The following KIRREL3 variants were observed in gnomAD, a reference collection of about 807,000 sequenced individuals.
KIRREL3 encodes kin of IRRE-like protein 3.
In KIRREL3, 36 loss-of-function variants were observed where a neutral mutation model predicts 89.7. That is an observed-to-expected ratio of 0.40 (90% CI 0.31 to 0.53). The LOEUF (loss-of-function observed/expected upper bound fraction) is 0.53, where lower values mean the gene tolerates loss of function less well. Ranked by LOEUF, KIRREL3 falls within the 20% of genes least tolerant of loss-of-function variation. The pLI is 0.49. For synonymous variants in KIRREL3, 445 were observed against 441.4 expected, an observed-to-expected ratio of 1.01 and a Z score of -0.10; for missense variants, 864 against 1,056.6, an observed-to-expected ratio of 0.82 and a Z score of 2.53.
intron 1 of KIRREL3, among the ~76,000 whole-genome samples, chr11:126,593,262 C>T (rs879405196): frequency 1.3e-5 from 2 of 152,216 alleles, no homozygotes; most frequent in Non-Finnish European, 2.9e-5. Context: ...ACTGCTTGCG[C>T]GCTCAGCCAT....
intron 1 of KIRREL3, among the ~76,000 whole-genome samples, chr11:126,633,750 A>G (rs1319832565): frequency 6.6e-6 from 1 of 152,232 alleles, no homozygotes; most frequent in African/African-American, 2.4e-5. Context: ...AAAAGGGTCT[A>G]AGAAAAACAC....
At position 126,485,915 on chromosome 11, in the gene KIRREL3, A is replaced by T. The variant is rs1291517138; in HGVS notation, c.434-12449T>A. Among the ~76,000 whole-genome samples, 3 of 152,242 alleles carry T rather than the reference A, an allele frequency of 2.0e-5. No homozygotes were observed. Among genetic ancestry groups the T allele is most frequent in the Non-Finnish European group, 4.4e-5 (3 of 68,034 alleles). On this transcript the variant is annotated intron_variant, in intron 4 of 16. Transcript: ENST00000525144. This position sits in a 1 kb window ranked among gnomAD's most constrained non-coding sequence, Gnocchi z 5.8. Reference sequence around the variant, plus strand: ...AGGAGACCCCAAGGGAGGGAGGGCTAGTCCAGTGGGCCAGGGAAAGGGAGC... The same window carrying T: ...AGGAGACCCCAAGGGAGGGAGGGCTTGTCCAGTGGGCCAGGGAAAGGGAGC...
At chr11:126,775,275 G>T (rs1950138066) in intron 1 of KIRREL3, among the ~76,000 whole-genome samples, 1 of 152,192 alleles carries the variant, frequency 6.6e-6, no homozygotes. Flanking sequence ...TCAGGTAGAG[G>T]CATTGGAAGC....
intron 1 of KIRREL3, among the ~76,000 whole-genome samples, chr11:126,804,047 A>G (rs1016937969): frequency 6.6e-5 from 10 of 152,170 alleles, no homozygotes; most frequent in African/African-American, 2.4e-4. Flanking sequence ...TATGTTTGTA[A>G]GTATGTAGGC....
chr11:126,841,812 C>A (rs539816271), intron 1 of KIRREL3, among the ~76,000 whole-genome samples: 1 of 152,160 alleles, frequency 6.6e-6, no homozygotes, highest in Admixed American at 6.5e-5. Context: ...CTCAACAGGC[C>A]CCGAAGGTCT....
chr11:126,589,876 C>T (rs1235059261), intron 1 of KIRREL3, among the ~76,000 whole-genome samples: 3 of 152,168 alleles, frequency 2.0e-5, no homozygotes, highest in African/African-American at 7.2e-5. Flanking sequence ...TGGATCTTGC[C>T]TAGTGCCCCA....
rs112495591 is a variant in KIRREL3 at position 126,508,767 on chromosome 11, G to A, written c.433+12548C>T. Among the ~76,000 whole-genome samples, 4 of 152,170 alleles carry A rather than the reference G, an allele frequency of 2.6e-5. No homozygotes were observed. Among genetic ancestry groups the A allele is most frequent in the African/African-American group, 9.7e-5 (4 of 41,436 alleles). On this transcript the variant is annotated intron_variant, in intron 4 of 16. Transcript: ENST00000525144. This position sits in a 1 kb window ranked among gnomAD's most constrained non-coding sequence, Gnocchi z 4.9. ...CTTGGGCAAGGTAATGAGCCTCTAT[G>A]TCTCAGCTTCCTCGTCCGTAAAAGG... is the stretch of plus-strand genomic sequence containing the variant.
rs1565738068 is a variant in KIRREL3 at position 126,795,810 on chromosome 11, CCT to C, written c.55+204643_55+204644del. Among the ~76,000 whole-genome samples the C allele has an allele frequency of 3.3e-5, 5 of 152,114 alleles. No homozygotes were observed. The highest frequency in any genetic ancestry group is 9.7e-5 in the African/African-American group (4 of 41,436). On this transcript the variant is annotated intron_variant, in intron 1 of 16. Coordinates refer to ENST00000525144, the MANE Select transcript of KIRREL3 (RefSeq NM_032531.4). The surrounding 1 kb of genome is among the most constrained non-coding windows in gnomAD (Gnocchi z 4.1). ...ACTTCAACCACCAGTTCTTCTTCCC[CCT>C]GTGCACCCCAAGAGCGTACATCAGC...
intron 11 of KIRREL3, 129 bp from the exon 12 acceptor site, chr11:126,437,138 G>A (rs1479180222): frequency 4.1e-5 from 33 of 804,292 alleles, no homozygotes; most frequent in Middle Eastern, 3.8e-4. Flanking sequence ...ATGTGCACAC[G>A]GGTATGTATG....
chr11:126,567,141 C>T (rs1044350765), intron 1 of KIRREL3, among the ~76,000 whole-genome samples: 8 of 152,194 alleles, frequency 5.3e-5, no homozygotes, highest in Admixed American at 4.6e-4. Flanking sequence ...GCACCAAATT[C>T]GTACATTGAA....
intron 1 of KIRREL3, among the ~76,000 whole-genome samples, chr11:126,679,347 C>T (rs112272320): frequency 1.3e-5 from 2 of 152,326 alleles, no homozygotes; most frequent in African/African-American, 4.8e-5. Flanking sequence ...TTCCTTGCAG[C>T]TGAGAAACAT....
intron 1 of KIRREL3, among the ~76,000 whole-genome samples, chr11:126,775,869 C>G (rs935279034): frequency 6.6e-6 from 1 of 152,206 alleles, no homozygotes; most frequent in Non-Finnish European, 1.5e-5. Context: ...ACACATCACA[C>G]TGGCAATGTC....
chr11:126,919,490 T>C (rs1296425807), intron 1 of KIRREL3, among the ~76,000 whole-genome samples: 1 of 152,196 alleles, frequency 6.6e-6, no homozygotes, highest in African/African-American at 2.4e-5. Context: ...ATTAGAATAA[T>C]TGATAACCAG....
intron 1 of KIRREL3, among the ~76,000 whole-genome samples, chr11:126,617,454 C>CAAAG: frequency 6.6e-6 from 1 of 152,286 alleles, no homozygotes; most frequent in South Asian, 2.1e-4. Context: ...TTTTGGTTTT[C>CAAAG]AAAGTTTATA....
Position 126,463,325 on chromosome 11 carries a change from G to A in KIRREL3, c.592-18C>T. On this transcript the variant is annotated intron_variant, in intron 5 of 16. Coordinates refer to ENST00000525144, the MANE Select transcript of KIRREL3 (RefSeq NM_032531.4). This position sits in a 1 kb window ranked among gnomAD's most constrained non-coding sequence, Gnocchi z 5.9. ...AGCAGGGTCTTGGGAGAAAGGGAAA[G>A]GGGAGAGAAAGCTCCATGTCGCTTG... 6 of 1,607,314 alleles carry A rather than the reference G, an allele frequency of 3.7e-6. No individual in the cohort carries two copies. The highest frequency in any genetic ancestry group is 4.3e-6 in the Non-Finnish European group (5 of 1,174,890).
At position 126,607,719 on chromosome 11, in the gene KIRREL3, G is replaced by A. The variant is rs892776156; in HGVS notation, c.56-44807C>T. ...TTATCTGGGTCCCTGCTGCTGTGTG[G>A]CCTTCTGCAATTAGCCATTTTACAG... On this transcript the variant is annotated intron_variant, in intron 1 of 16. Coordinates refer to ENST00000525144, the MANE Select transcript of KIRREL3 (RefSeq NM_032531.4). This position sits in a 1 kb window ranked among gnomAD's most constrained non-coding sequence, Gnocchi z 6.6. Among the ~76,000 whole-genome samples the A allele has an allele frequency of 2.0e-5, 3 of 152,150 alleles. No homozygotes were observed. Among genetic ancestry groups the A allele is most frequent in the African/African-American group, 7.2e-5 (3 of 41,442 alleles).
At chr11:126,858,077 G>A (rs1034811384) in intron 1 of KIRREL3, among the ~76,000 whole-genome samples, 4 of 152,216 alleles carry the variant, frequency 2.6e-5, no homozygotes, top group Non-Finnish European at 5.9e-5. Context: ...AATGTGCCAG[G>A]AGCCTCCTGT....
Position 126,521,313 on chromosome 11 carries a change from AC to A in KIRREL3, c.433+1del. The A allele has an allele frequency of 6.5e-7, 1 of 1,542,002 alleles. No individual in the cohort carries two copies. Among genetic ancestry groups the A allele is most frequent in the Admixed American group, 2.0e-5 (1 of 50,632 alleles). On this transcript the variant is annotated splice_donor_variant, in intron 4 of 16. Coordinates refer to ENST00000525144, the MANE Select transcript of KIRREL3 (RefSeq NM_032531.4). LOFTEE classifies it high-confidence loss of function. The surrounding 1 kb of genome is among the most constrained non-coding windows in gnomAD (Gnocchi z 4.1). ...CCAGCCCCGTGTGCAGATGGTTCTTACCCAGGACTGTGAGGCGTGCGGGGCG... is the reference window on the plus strand; with the variant it reads ...CCAGCCCCGTGTGCAGATGGTTCTTACCAGGACTGTGAGGCGTGCGGGGCG...
At chr11:126,961,850 CTT>C (rs1335321567) in intron 1 of KIRREL3, among the ~76,000 whole-genome samples, 1 of 152,226 alleles carries the variant, frequency 6.6e-6, no homozygotes, top group East Asian at 1.9e-4. Context: ...TAACTGGTGA[CTT>C]TAAGTTAAAG....
Sources: allele counts gnomAD v4.1 joint callset (sites outside exome capture counted in the v4.1 genomes callset), GRCh38; gene constraint gnomAD v4.1.1; non-coding constraint Gnocchi (gnomAD v3.1); transcripts MANE v1.5; gene names NCBI Gene and HGNC (gene_info 2026-07-23, HGNC 2026-07-21).